The following TRPC3 variants were observed in gnomAD, a reference collection of about 807,000 sequenced individuals.
TRPC3 encodes transient receptor potential cation channel subfamily C member 3.
TRPC3 carries 54 observed loss-of-function variants against 90.9 expected under a neutral mutation model. That is an observed-to-expected ratio of 0.59 (90% CI 0.48 to 0.75). The LOEUF (loss-of-function observed/expected upper bound fraction) is 0.75, where lower values mean the gene tolerates loss of function less well. Ranked by LOEUF, TRPC3 falls within the 30% of genes least tolerant of loss-of-function variation. The pLI, the probability that TRPC3 is intolerant of heterozygous loss-of-function variation, is 0.00. For synonymous variants in TRPC3, 424 were observed against 450.9 expected, an observed-to-expected ratio of 0.94 and a Z score of 0.75; for missense variants, 918 against 1,194.5, an observed-to-expected ratio of 0.77 and a Z score of 3.41.
chr4:121,895,626 G>A (rs1396361620), intron 10 of TRPC3, among the ~76,000 whole-genome samples: 1 of 151,976 alleles, frequency 6.6e-6, no homozygotes, highest in African/African-American at 2.4e-5. Flanking sequence ...AATCTACCAA[G>A]ATTGAACCAA....
In TRPC3 at chr4:121,925,005, T is replaced by G. The variant is rs1473134824; in HGVS notation, c.1176+13A>C. ...ATTCTAATATGGCACTAGATGAAAG[T>G]AGGCCCACTCACCTTTTTGACTTCA... On this transcript the variant is annotated intron_variant, in intron 3 of 11. Coordinates refer to ENST00000379645, the MANE Select transcript of TRPC3 (RefSeq NM_001130698.2). The G allele has an allele frequency of 6.2e-7, 1 of 1,604,764 alleles. No individual in the cohort carries two copies. Among genetic ancestry groups the G allele is most frequent in the African/African-American group, 1.3e-5 (1 of 74,570 alleles).
In TRPC3 at chr4:121,945,777, A is replaced by G. The variant is rs557914142; in HGVS notation, c.215+5689T>C. On this transcript the variant is annotated intron_variant, in intron 1 of 11. Transcript: ENST00000379645. ...ACAGAAATGCTCTAGACGTGGGGATACCAGGGGGGCAGGAACTAGGAACAG... is the reference window on the plus strand; with the variant it reads ...ACAGAAATGCTCTAGACGTGGGGATGCCAGGGGGGCAGGAACTAGGAACAG... 2.6e-5 allele frequency among the ~76,000 whole-genome samples: 4 copies of G among 152,220 alleles called. No individual in the cohort carries two copies. The East Asian group carries it at 7.7e-4, about 29-fold the overall frequency.
Position 121,903,027 on chromosome 4 carries a change from G to C in TRPC3, c.2288C>G (p.Ser763Ter), listed in dbSNP as rs778706772. ...ATCAAAATAGGATAACCAAAGTTTT[G>C]AACGAGCAAACTTCCATTCTACATC... ...DSDVEWKFAR[S>*]KLWLSYFDDG... is the part of the protein sequence containing the mutation. Residue 763 changes from serine to a stop codon, truncating the protein, a stop_gained, in exon 9 of 12, where the codon TCA (serine) becomes TGA (stop). Coordinates refer to ENST00000379645, the MANE Select transcript of TRPC3 (RefSeq NM_001130698.2). LOFTEE classifies it high-confidence loss of function. The C allele has an allele frequency of 5.6e-6, 9 of 1,612,884 alleles. No homozygotes were observed. Among genetic ancestry groups the C allele is most frequent in the Non-Finnish European group, 4.2e-6 (5 of 1,179,534 alleles).
At chr4:121,949,895 C>G (rs1560723731) in intron 1 of TRPC3, among the ~76,000 whole-genome samples, 1 of 152,114 alleles carries the variant, frequency 6.6e-6, no homozygotes, top group African/African-American at 2.4e-5. Context: ...CTCTGCTCCG[C>G]CCTACTTTCT....
intron 1 of TRPC3, among the ~76,000 whole-genome samples, chr4:121,937,771 G>T (rs887821826): frequency 6.6e-6 from 1 of 152,074 alleles, no homozygotes; most frequent in African/African-American, 2.4e-5. Flanking sequence ...TCACTCCCCT[G>T]CCCCTCTCTT....
chr4:121,923,961 A>G (rs1729615236), intron 3 of TRPC3, among the ~76,000 whole-genome samples: 1 of 151,690 alleles, frequency 6.6e-6, no homozygotes, highest in Non-Finnish European at 1.5e-5. Context: ...TAACTGAGAT[A>G]TTTATTATTG....
intron 1 of TRPC3, among the ~76,000 whole-genome samples, chr4:121,936,552 T>C (rs1730135710): frequency 6.6e-6 from 1 of 152,214 alleles, no homozygotes; most frequent in Non-Finnish European, 1.5e-5. Context: ...TGGACCAAAT[T>C]GTGTCCCCAC....
chr4:121,887,431 A>G (rs921290448), intron 10 of TRPC3, among the ~76,000 whole-genome samples: 11 of 152,204 alleles, frequency 7.2e-5, no homozygotes, highest in Non-Finnish European at 1.6e-4. Flanking sequence ...CATCATGTAT[A>G]TAACAGGGGT....
chr4:121,888,060 T>C (rs1170164151), intron 10 of TRPC3, among the ~76,000 whole-genome samples: 1 of 151,978 alleles, frequency 6.6e-6, no homozygotes, highest in African/African-American at 2.4e-5. Context: ...AGTGACATGA[T>C]CATAGCTCAT....
rs576307361 is a variant in TRPC3, at chr4:121,904,233, C to A, written c.2253+89G>T. On this transcript the variant is annotated intron_variant, in intron 8 of 11. Transcript: ENST00000379645. ...GATATAAGCCTCTTTGTTACATGAG[C>A]TGGAGCTCAGCCACAGGGTACAGAA... 9.1e-5 allele frequency: 110 copies of A among 1,205,728 alleles called. No individual in the cohort carries two copies. In the African/African-American group the frequency reaches 1.7e-3, roughly 18 times the overall value. 74.7% of individuals were successfully genotyped at this position (1,205,728 alleles called of 1,614,324 possible).
intron 7 of TRPC3, among the ~76,000 whole-genome samples, chr4:121,906,053 TA>T (rs1728868705): frequency 6.6e-6 from 1 of 151,976 alleles, no homozygotes; most frequent in Non-Finnish European, 1.5e-5. Context: ...AGGGGGATAG[TA>T]AAAAAGGAAA....
rs751012220 is a variant in TRPC3, at chr4:121,899,631, T to C, written c.2528A>G (p.Asn843Ser). The change falls in exon 10 of 12, where the codon AAT becomes AGT. Residue 843 changes from asparagine to serine, a missense_variant. Transcript: ENST00000379645. ...FESHSFNSIL[N>S]QPTRYQQIMK... ...GCTTACCTGATAACGTGTTGGCTGATTGAGAATGCTGTTAAAACTGTGTGA... is the reference window on the plus strand; with the variant it reads ...GCTTACCTGATAACGTGTTGGCTGACTGAGAATGCTGTTAAAACTGTGTGA... 15 of 1,613,378 alleles carry C rather than the reference T, an allele frequency of 9.3e-6. No individual in the cohort carries two copies. In the South Asian group the frequency reaches 1.2e-4, roughly 13 times the overall value.
intron 11 of TRPC3, among the ~76,000 whole-genome samples, chr4:121,881,105 T>C (rs1727926069): frequency 6.6e-6 from 1 of 152,122 alleles, no homozygotes; most frequent in Non-Finnish European, 1.5e-5. Flanking sequence ...CTACTTCACC[T>C]TCTACTATCC....
chr4:121,880,593 G>A (rs961302631), intron 11 of TRPC3, among the ~76,000 whole-genome samples: 1 of 152,040 alleles, frequency 6.6e-6, no homozygotes, highest in African/African-American at 2.4e-5. Context: ...TTGAGCATAC[G>A]TATATTGCAA....
At chr4:121,895,701 CT>C (rs1560690204) in intron 10 of TRPC3, among the ~76,000 whole-genome samples, 2 of 152,030 alleles carry the variant, frequency 1.3e-5, no homozygotes, top group Admixed American at 6.5e-5. Flanking sequence ...CATAAAACAT[CT>C]CCCAAAAAAA....
intron 2 of TRPC3, among the ~76,000 whole-genome samples, chr4:121,927,031 C>T (rs79450770): frequency 6.6e-6 from 1 of 152,084 alleles, no homozygotes; most frequent in South Asian, 2.1e-4. Flanking sequence ...CACCTGTATA[C>T]AGAGGGTTTT....
intron 11 of TRPC3, among the ~76,000 whole-genome samples, chr4:121,881,766 G>GT (rs1455850042): frequency 7.2e-5 from 11 of 152,070 alleles, no homozygotes; most frequent in Non-Finnish European, 1.3e-4. Flanking sequence ...CTCTGGGCCT[G>GT]TGTTTAGCTC....
At position 121,907,437 on chromosome 4, in the gene TRPC3, G is replaced by A. The variant is rs575087117; in HGVS notation, c.1923C>T (p.Ile641=). ...TGTCCTTTACAGTCCTTCCAAGAGA[G>A]ATCTGCAGGGGGCCAAAGCTCTCAT... ...PANESFGPLQ[I]SLGRTVKDIF... is the part of the protein sequence containing the mutation. The change falls in exon 7 of 12, where the codon ATC becomes ATT. Residue 641 remains isoleucine (I), a synonymous_variant. Coordinates refer to ENST00000379645, the MANE Select transcript of TRPC3 (RefSeq NM_001130698.2). 4.3e-6 allele frequency: 7 copies of A among 1,613,476 alleles called. No individual in the cohort carries two copies. The South Asian group carries it at 7.7e-5, about 18-fold the overall frequency.
intron 1 of TRPC3, 41 bp from the exon 2 acceptor site, chr4:121,933,083 GCACATTC>G: frequency 6.6e-7 from 1 of 1,518,418 alleles, no homozygotes; most frequent in Non-Finnish European, 8.8e-7. Context: ...GAATATTAGG[GCACATTC>G]CTTCCTTTCA....
Sources: gnomAD v4.1 joint callset for allele counts (sites outside exome capture counted in the v4.1 genomes callset) on GRCh38, gnomAD v4.1.1 for gene constraint, MANE v1.5 for transcripts, NCBI Gene and HGNC (gene_info 2026-07-23, HGNC 2026-07-21) for gene names.